Variants in SLC17A1 observed in about 807,000 individuals in gnomAD.
SLC17A1 encodes sodium-dependent phosphate transport protein 1.
A neutral mutation model predicts 53.5 loss-of-function variants in SLC17A1; 51 were observed. The observed-to-expected ratio is 0.95, with a 90% confidence interval of 0.76 to 1.20. The LOEUF (loss-of-function observed/expected upper bound fraction) is 1.20, where lower values mean the gene tolerates loss of function less well. SLC17A1 is among the 50% of genes most tolerant of loss of function. The pLI, the probability that SLC17A1 is intolerant of heterozygous loss-of-function variation, is 0.00. For synonymous variants in SLC17A1, 179 were observed against 198.8 expected (o/e 0.90, Z 0.84); for missense variants, 538 against 568.2 (o/e 0.95, Z 0.54).
intron 10 of SLC17A1, among the ~76,000 whole-genome samples, chr6:25,809,921 T>C (rs1247309933): frequency 6.6e-6 from 1 of 152,078 alleles, no homozygotes; most frequent in Non-Finnish European, 1.5e-5. Context: ...AATAGATACA[T>C]AGACCAATGG....
At chr6:25,792,199 T>A (rs1763516587) in intron 12 of SLC17A1, among the ~76,000 whole-genome samples, 1 of 152,202 alleles carries the variant, frequency 6.6e-6, no homozygotes, top group Non-Finnish European at 1.5e-5. Context: ...CTCAGCAGCC[T>A]CAGTCAATCA....
downstream of SLC17A1, chr6:25,780,797 G>C (rs1360314767): frequency 3.3e-5 from 5 of 152,170 alleles, no homozygotes; most frequent in East Asian, 9.6e-4. Context: ...TGGATTATTT[G>C]ATTTAGGTGG....
intron 3 of SLC17A1, 66 bp downstream of exon 3, chr6:25,826,395 T>G: frequency 4.5e-6 from 6 of 1,325,260 alleles, no homozygotes; most frequent in Non-Finnish European, 6.2e-6. Flanking sequence ...CAATTCCATA[T>G]CTACACAAAT....
the SLC17A1 span, chr6:25,726,492 G>T: frequency 1.6e-5 from 26 of 1,612,166 alleles, no homozygotes; most frequent in Non-Finnish European, 2.0e-5. Flanking sequence ...TAGACTTGGC[G>T]CGTGCTTTTC....
intron 6 of SLC17A1, among the ~76,000 whole-genome samples, chr6:25,818,806 G>A (rs1267370280): frequency 6.6e-6 from 1 of 152,112 alleles, no homozygotes; most frequent in African/African-American, 2.4e-5. Context: ...TTTTCCTGGA[G>A]AGTTTCATAT....
the SLC17A1 span, among the ~76,000 whole-genome samples, chr6:25,751,151 A>G: frequency 6.6e-6 from 1 of 152,158 alleles, no homozygotes; most frequent in African/African-American, 2.4e-5. Flanking sequence ...GGAAGCAGAC[A>G]CCTAGTCTCG....
the SLC17A1 span, among the ~76,000 whole-genome samples, chr6:25,730,647 T>TA: frequency 6.6e-6 from 1 of 152,324 alleles, no homozygotes; most frequent in East Asian, 1.9e-4. Context: ...AGTGTTTTCA[T>TA]AAAAAATATG....
chr6:25,725,191 C>T, the SLC17A1 span, among the ~76,000 whole-genome samples: 4 of 152,260 alleles, frequency 2.6e-5, no homozygotes, highest in South Asian at 8.3e-4. Context: ...ACAGTCAAAA[C>T]TTTTGAAGCA....
At chr6:25,747,292 T>G in the SLC17A1 span, among the ~76,000 whole-genome samples, 24 of 152,354 alleles carry the variant, frequency 1.6e-4, no homozygotes, top group South Asian at 4.1e-4. Flanking sequence ...AGAATAAATA[T>G]GTAGATCATG....
chr6:25,809,962 A>G (rs1465147785), intron 10 of SLC17A1, among the ~76,000 whole-genome samples: 1 of 152,032 alleles, frequency 6.6e-6, no homozygotes, highest in African/African-American at 2.4e-5. Flanking sequence ...AATAAATCCA[A>G]CATTTAGGGT....
chr6:25,787,073 T>C (rs528924835), intron 12 of SLC17A1, among the ~76,000 whole-genome samples: 1 of 144,828 alleles, frequency 6.9e-6, no homozygotes, highest in Admixed American at 6.9e-5. Flanking sequence ...AATAAATAAA[T>C]AAGAGTGTGG....
chr6:25,740,255 G>A, the SLC17A1 span, among the ~76,000 whole-genome samples: 5 of 151,984 alleles, frequency 3.3e-5, no homozygotes, highest in African/African-American at 1.2e-4. Context: ...CTGACATAAG[G>A]GAAGACAATG....
At chr6:25,757,497 C>T in the SLC17A1 span, among the ~76,000 whole-genome samples, 1 of 151,986 alleles carries the variant, frequency 6.6e-6, no homozygotes, top group East Asian at 1.9e-4. Flanking sequence ...AGGTCCAGTC[C>T]AGTGAAAACC....
the SLC17A1 span, chr6:25,726,244 T>C: frequency 6.2e-7 from 1 of 1,613,944 alleles, no homozygotes; most frequent in Non-Finnish European, 8.5e-7. Context: ...CAAAAGCTTA[T>C]TGAGTTCCTC....
At chr6:25,828,431 T>C (rs1764829494) in intron 2 of SLC17A1, among the ~76,000 whole-genome samples, 1 of 152,138 alleles carries the variant, frequency 6.6e-6, no homozygotes, top group African/African-American at 2.4e-5. Context: ...CATAAATAAA[T>C]AGATTTTTTA....
intron 1 of SLC17A1, among the ~76,000 whole-genome samples, chr6:25,831,081 C>T (rs1263546578): frequency 6.6e-6 from 1 of 152,118 alleles, no homozygotes; most frequent in African/African-American, 2.4e-5. Context: ...CTGGAAGATA[C>T]TATCTGCTTA....
At chr6:25,822,758 A>G (rs1293301228) in intron 3 of SLC17A1, among the ~76,000 whole-genome samples, 2 of 152,204 alleles carry the variant, frequency 1.3e-5, no homozygotes, top group East Asian at 1.9e-4. Context: ...TATCATAAAT[A>G]TTTAAGAATA....
intron 3 of SLC17A1, among the ~76,000 whole-genome samples, chr6:25,824,471 A>G (rs138233852): frequency 6.6e-6 from 1 of 152,054 alleles, no homozygotes; most frequent in African/African-American, 2.4e-5. Context: ...ATTGATCTAA[A>G]AGATAACTTT....
At chr6:25,756,801 A>G in the SLC17A1 span, among the ~76,000 whole-genome samples, 47 of 152,352 alleles carry the variant, frequency 3.1e-4, no homozygotes, top group Non-Finnish European at 2.8e-4. Context: ...TTACTGAATC[A>G]ATGAATGAAC....
Sources: allele counts gnomAD v4.1 joint callset (sites outside exome capture counted in the v4.1 genomes callset), GRCh38; gene constraint gnomAD v4.1.1; transcripts MANE v1.5; gene names NCBI Gene and HGNC (gene_info 2026-07-23, HGNC 2026-07-21).